Variants in CSMD1 observed in about 807,000 individuals in gnomAD.
The protein encoded by CSMD1 is CUB and sushi domain-containing protein 1.
Under a neutral mutation model 417.5 loss-of-function variants are expected in CSMD1, and 213 were observed. The observed-to-expected ratio is 0.51, with a 90% CI of 0.46 to 0.57. CSMD1 has a LOEUF of 0.57. Among genes scored for constraint, CSMD1 ranks in the 20% least tolerant of loss-of-function variants. The pLI, the probability that CSMD1 is intolerant of heterozygous loss-of-function variation, is 0.00. For synonymous variants in CSMD1, 2,862 were observed against 1,736.8 expected (o/e 1.65, Z -16.11); for missense variants, 6,923 against 4,529.7 (o/e 1.53, Z -15.17).
intron 50 of CSMD1, among the ~76,000 whole-genome samples, chr8:3,039,807 G>A (rs7009153): frequency 9.2e-5 from 14 of 151,732 alleles, no homozygotes; most frequent in Admixed American, 1.3e-4. Context: ...AGGAGATTGC[G>A]TTTAAAAATT....
intron 6 of CSMD1, among the ~76,000 whole-genome samples, chr8:3,721,705 T>C (rs1406154765): frequency 6.6e-6 from 1 of 152,160 alleles, no homozygotes; most frequent in Non-Finnish European, 1.5e-5. Context: ...AAATAACATG[T>C]TAAATGAAAG....
chr8:3,446,547 G>C (rs901002868), intron 12 of CSMD1, among the ~76,000 whole-genome samples: 1 of 152,182 alleles, frequency 6.6e-6, no homozygotes, highest in African/African-American at 2.4e-5. Flanking sequence ...TAGAGTGCAG[G>C]TAGTGACAGG....
At chr8:3,610,748 T>G (rs373019394) in intron 8 of CSMD1, among the ~76,000 whole-genome samples, 6 of 152,096 alleles carry the variant, frequency 3.9e-5, no homozygotes, top group Non-Finnish European at 8.8e-5. Flanking sequence ...CTCAGTAGAA[T>G]TGCATACTTA....
intron 41 of CSMD1, among the ~76,000 whole-genome samples, chr8:3,142,111 A>G (rs1264319275): frequency 6.6e-6 from 1 of 152,174 alleles, no homozygotes; most frequent in African/African-American, 2.4e-5. Flanking sequence ...AATTATCTTT[A>G]AAAACTTGAA....
chr8:3,936,919 G>A (rs1350038204), intron 5 of CSMD1, among the ~76,000 whole-genome samples: 2 of 152,154 alleles, frequency 1.3e-5, no homozygotes, highest in African/African-American at 2.4e-5. Context: ...TATTAAGAAT[G>A]TTTGTGATTC....
At chr8:4,092,768 T>C (rs1800787758) in intron 3 of CSMD1, among the ~76,000 whole-genome samples, 1 of 152,162 alleles carries the variant, frequency 6.6e-6, no homozygotes, top group Non-Finnish European at 1.5e-5. Flanking sequence ...TTTTATTCCT[T>C]TTACTGTATT....
chr8:4,160,364 C>A (rs1374168719), intron 3 of CSMD1, among the ~76,000 whole-genome samples: 1 of 152,036 alleles, frequency 6.6e-6, no homozygotes, highest in Non-Finnish European at 1.5e-5. Context: ...GTAATGAAGC[C>A]AACTTTGGAA....
intron 3 of CSMD1, among the ~76,000 whole-genome samples, chr8:4,322,407 G>C (rs1264295424): frequency 1.3e-5 from 2 of 152,088 alleles, no homozygotes; most frequent in East Asian, 3.9e-4. Context: ...TCACCTATTA[G>C]CAAGGTGACT....
At chr8:3,251,583 T>G (rs1351793497) in intron 26 of CSMD1, among the ~76,000 whole-genome samples, 3 of 152,164 alleles carry the variant, frequency 2.0e-5, no homozygotes, top group Non-Finnish European at 4.4e-5. Flanking sequence ...TAAAGTAGTT[T>G]TTTCCAATTC....
At chr8:4,419,137 AGT>A (rs549065650) in intron 3 of CSMD1, among the ~76,000 whole-genome samples, 2 of 152,180 alleles carry the variant, frequency 1.3e-5, no homozygotes, top group African/African-American at 4.8e-5. Flanking sequence ...CCAAGTAAAC[AGT>A]GTGTGTTGTA....
At chr8:4,248,285 T>C (rs926694341) in intron 3 of CSMD1, among the ~76,000 whole-genome samples, 1 of 152,128 alleles carries the variant, frequency 6.6e-6, no homozygotes, top group African/African-American at 2.4e-5. Context: ...CTATTCTTTA[T>C]ACAAACAATC....
chr8:3,882,240 T>A (rs1806255076), intron 5 of CSMD1, among the ~76,000 whole-genome samples: 1 of 151,916 alleles, frequency 6.6e-6, no homozygotes, highest in African/African-American at 2.4e-5. Context: ...AGTAATTGAT[T>A]TGAACTGACA....
intron 62 of CSMD1, among the ~76,000 whole-genome samples, chr8:2,959,389 G>A (rs902282453): frequency 2.0e-5 from 3 of 152,182 alleles, no homozygotes; most frequent in Non-Finnish European, 4.4e-5. Context: ...GTGAGCTGCT[G>A]CTCCCAGCCC....
chr8:4,649,354 A>T (rs1803736779), intron 1 of CSMD1, among the ~76,000 whole-genome samples: 1 of 152,234 alleles, frequency 6.6e-6, no homozygotes, highest in Non-Finnish European at 1.5e-5. Flanking sequence ...ATTATAAGGT[A>T]AATAGTTTCC....
chr8:4,807,296 T>G (rs1018132310), intron 1 of CSMD1, among the ~76,000 whole-genome samples: 3 of 152,178 alleles, frequency 2.0e-5, no homozygotes, highest in Admixed American at 1.3e-4. Context: ...CATGGCCCTA[T>G]GACAGGCCTC....
At chr8:3,685,479 A>G (rs1799899381) in intron 7 of CSMD1, among the ~76,000 whole-genome samples, 1 of 152,144 alleles carries the variant, frequency 6.6e-6, no homozygotes, top group South Asian at 2.1e-4. Context: ...GCCGAAGGAG[A>G]TGGGAGCTCA....
In CSMD1 at chr8:4,138,263, T is replaced by A. The variant is rs1480548500; in HGVS notation, c.416-106164A>T. 2.0e-5 allele frequency among the ~76,000 whole-genome samples: 3 copies of A among 149,658 alleles called. No homozygotes were observed. In the East Asian group the frequency reaches 6.0e-4, roughly 30 times the overall value. On this transcript the variant is annotated intron_variant, in intron 3 of 69. Transcript: ENST00000635120. Reference sequence around the variant, plus strand: ...TGATGGGTTTTCCTTTTCTCCTGGCTATGCCATAAACTAAATGGCAAGATG... The same window carrying A: ...TGATGGGTTTTCCTTTTCTCCTGGCAATGCCATAAACTAAATGGCAAGATG...
intron 3 of CSMD1, among the ~76,000 whole-genome samples, chr8:4,279,489 G>C (rs149232394): frequency 6.6e-6 from 1 of 152,090 alleles, no homozygotes; most frequent in East Asian, 1.9e-4. Flanking sequence ...TCATGAGCAG[G>C]AATACTGACT....
At position 3,272,250 on chromosome 8, in the gene CSMD1, G is replaced by C. The variant is rs183774582; in HGVS notation, c.4153+11894C>G. 1.0e-3 allele frequency among the ~76,000 whole-genome samples: 143 copies of C among 143,208 alleles called. 4 individuals carry two copies. The highest frequency in any genetic ancestry group is 3.5e-3 in the African/African-American group (134 of 38,366). 94.0% of individuals were successfully genotyped at this position (143,208 alleles called of 152,430 possible). On this transcript the variant is annotated intron_variant, in intron 26 of 69. Coordinates refer to ENST00000635120, the MANE Select transcript of CSMD1 (RefSeq NM_033225.6). ...AAGATCAGATAGTTGTAGATATGCG[G>C]CGTTATTTCTGAGGGCTCTGTTCTA...
Sources: allele counts gnomAD v4.1 joint callset (sites outside exome capture counted in the v4.1 genomes callset), GRCh38; gene constraint gnomAD v4.1.1; transcripts MANE v1.5; gene names NCBI Gene and HGNC (gene_info 2026-07-23, HGNC 2026-07-21).